The following SMIM10L3 variants were observed in gnomAD, a reference collection of about 807,000 sequenced individuals.
SMIM10L3 encodes small integral membrane protein 10 like 3, also known as salivary gland specific protein SAGSIN1.
At chr7:6,335,619 T>C in the SMIM10L3 span, among the ~76,000 whole-genome samples, 13 of 152,212 alleles carry the variant, frequency 8.5e-5, no homozygotes, top group African/African-American at 3.1e-4. Context: ...TTTTATAATA[T>C]GTATCATATT....
At chr7:6,348,366 C>G in the SMIM10L3 span, among the ~76,000 whole-genome samples, 1 of 152,210 alleles carries the variant, frequency 6.6e-6, no homozygotes, top group Middle Eastern at 3.2e-3. Context: ...AGGCAAGTCG[C>G]TTAACCTGAC....
the SMIM10L3 span, among the ~76,000 whole-genome samples, chr7:6,344,679 A>G: frequency 6.6e-6 from 1 of 152,102 alleles, no homozygotes; most frequent in Admixed American, 6.6e-5. Context: ...TTGGACTCCC[A>G]AAGTGCTGGG....
chr7:6,330,602 G>A, the SMIM10L3 span: 3 of 1,614,168 alleles, frequency 1.9e-6, no homozygotes, highest in Non-Finnish European at 2.5e-6. Context: ...AGGCAAGCGG[G>A]TTCCAACTCA....
the SMIM10L3 span, chr7:6,331,312 T>G: frequency 1.4e-6 from 1 of 694,532 alleles, no homozygotes. Flanking sequence ...ACCAAATATT[T>G]CCTAACAAAC....
chr7:6,337,648 T>C, the SMIM10L3 span, among the ~76,000 whole-genome samples: 4 of 151,826 alleles, frequency 2.6e-5, no homozygotes, highest in East Asian at 7.7e-4. Context: ...ATCACTTATT[T>C]TATAACTCAG....
At chr7:6,330,942 C>T in the SMIM10L3 span, 4 of 1,614,232 alleles carry the variant, frequency 2.5e-6, no homozygotes, top group Admixed American at 5.0e-5. Flanking sequence ...AGAGGCCAGC[C>T]CCGCTCGGAT....
At chr7:6,334,481 A>G in the SMIM10L3 span, among the ~76,000 whole-genome samples, 1 of 151,966 alleles carries the variant, frequency 6.6e-6, no homozygotes, top group Non-Finnish European at 1.5e-5. Context: ...GTCTCAAAAA[A>G]AGAAAAGATG....
chr7:6,342,839 C>T, the SMIM10L3 span, among the ~76,000 whole-genome samples: 1 of 151,608 alleles, frequency 6.6e-6, no homozygotes. Context: ...GAGTTCGAGA[C>T]CACCCTGGGC....
chr7:6,330,023 C>G, the SMIM10L3 span: 3 of 254,866 alleles, frequency 1.2e-5, no homozygotes, highest in Non-Finnish European at 2.4e-5. Flanking sequence ...TCAGACAAGT[C>G]AAAAGGACAC....
the SMIM10L3 span, among the ~76,000 whole-genome samples, chr7:6,342,867 T>A: frequency 1.3e-5 from 2 of 151,018 alleles, no homozygotes; most frequent in East Asian, 3.9e-4. Context: ...TGAGACCCCA[T>A]CTAGAAACAA....
chr7:6,333,522 G>A, the SMIM10L3 span, among the ~76,000 whole-genome samples: 3 of 152,058 alleles, frequency 2.0e-5, no homozygotes, highest in African/African-American at 7.2e-5. Context: ...TTTTTGAGAC[G>A]AGGTCTCACT....
At chr7:6,332,786 G>T in the SMIM10L3 span, among the ~76,000 whole-genome samples, 6 of 152,162 alleles carry the variant, frequency 3.9e-5, no homozygotes, top group Non-Finnish European at 8.8e-5. Flanking sequence ...AGAAATGGCA[G>T]GTAGGAAACT....
At chr7:6,334,145 C>T in the SMIM10L3 span, among the ~76,000 whole-genome samples, 1 of 151,726 alleles carries the variant, frequency 6.6e-6, no homozygotes, top group African/African-American at 2.4e-5. Flanking sequence ...CGCACCCAGC[C>T]GAACTCCTGG....
the SMIM10L3 span, among the ~76,000 whole-genome samples, chr7:6,346,819 G>A: frequency 1.3e-5 from 2 of 152,174 alleles, no homozygotes; most frequent in African/African-American, 4.8e-5. Context: ...ACGTTAGAAA[G>A]GGACGGCACC....
the SMIM10L3 span, among the ~76,000 whole-genome samples, chr7:6,342,396 T>G: frequency 7.0e-3 from 1,059 of 151,882 alleles, 13 homozygotes; most frequent in African/African-American, 0.023. Context: ...AATACAAACA[T>G]TAGCTGGGCA....
At chr7:6,340,802 G>C in the SMIM10L3 span, among the ~76,000 whole-genome samples, 2 of 151,058 alleles carry the variant, frequency 1.3e-5, no homozygotes, top group African/African-American at 4.9e-5. Context: ...GGGAGGCTGA[G>C]GCAGGAGAAT....
At chr7:6,330,065 G>C in the SMIM10L3 span, 1 of 329,044 alleles carries the variant, frequency 3.0e-6, no homozygotes, top group East Asian at 7.8e-5. Context: ...CTTTAGAATG[G>C]ATGTTGAAGA....
At chr7:6,336,356 A>G in the SMIM10L3 span, among the ~76,000 whole-genome samples, 9 of 151,144 alleles carry the variant, frequency 6.0e-5, no homozygotes, top group African/African-American at 2.2e-4. Flanking sequence ...CTCAAAAAAG[A>G]AAAGAAAAAA....
the SMIM10L3 span, among the ~76,000 whole-genome samples, chr7:6,347,518 A>C: frequency 6.2e-5 from 5 of 80,984 alleles, no homozygotes; most frequent in East Asian, 8.3e-4. Flanking sequence ...TGTCTCAGGG[A>C]AAAAAAAAAA....
Sources: gnomAD v4.1 joint callset for allele counts (sites outside exome capture counted in the v4.1 genomes callset) on GRCh38, gnomAD v4.1.1 for gene constraint, MANE v1.5 for transcripts, NCBI Gene and HGNC (gene_info 2026-07-23, HGNC 2026-07-21) for gene names.